The following NMNAT3 variants were observed in gnomAD, a reference collection of about 807,000 sequenced individuals.
NMNAT3 encodes nicotinamide nucleotide adenylyltransferase 3.
NMNAT3 carries 21 observed loss-of-function variants against 24.8 expected under a neutral mutation model. The observed-to-expected ratio is 0.85, with a 90% CI of 0.60 to 1.22. The LOEUF (loss-of-function observed/expected upper bound fraction) is 1.22. Among genes scored for constraint, NMNAT3 ranks in the 50% most tolerant of loss-of-function variants. The pLI, the probability that NMNAT3 is intolerant of heterozygous loss-of-function variation, is 0.00. For missense variants in NMNAT3, 387 were observed against 436.6 expected, an observed-to-expected ratio of 0.89 and a Z score of 1.01; for synonymous variants, 136 against 155.2, an observed-to-expected ratio of 0.88 and a Z score of 0.92.
In NMNAT3 at chr3:139,583,571, A is replaced by C. The variant is rs944371905; in HGVS notation, c.110-363T>G. ...ATTATTTTCTTCACTTCATTTGAGA[A>C]ATATAGGTGGATTGAGAGACATTCT... On this transcript the variant is annotated intron_variant, in intron 3 of 6. Transcript: ENST00000643695. 3 of 729,802 alleles carry C rather than the reference A, an allele frequency of 4.1e-6. No individual in the cohort carries two copies. In the African/African-American group the frequency reaches 5.3e-5, roughly 13 times the overall value. 45.2% of individuals were successfully genotyped at this position (729,802 alleles called of 1,614,324 possible). A position where few individuals can be genotyped will look rare whatever the true frequency, so the allele number is the denominator to read the frequency against.
At chr3:139,588,123 T>C (rs571769882) in intron 3 of NMNAT3, among the ~76,000 whole-genome samples, 1 of 152,256 alleles carries the variant, frequency 6.6e-6, no homozygotes, top group East Asian at 1.9e-4. Flanking sequence ...TCCCCACTGC[T>C]CTAGGTCACA....
rs2107967034 is a variant in NMNAT3 at position 139,560,404 on chromosome 3, A to G, written c.*606T>C. ...ATATTGCTTGAGGATCACTACGTAG[A>G]AAGAGTTTTGTTTAAATTTTATGAA... On this transcript the variant is annotated 3_prime_UTR_variant, in exon 7 of 7. Coordinates refer to ENST00000643695, the MANE Select transcript of NMNAT3 (RefSeq NM_001320510.2). 1 of 152,784 alleles carries G rather than the reference A, an allele frequency of 6.5e-6. No individual in the cohort carries two copies. The highest frequency in any genetic ancestry group is 1.9e-4 in the East Asian group (1 of 5,178). The allele number at this position is 152,784 out of a possible 1,614,324, so 9.5% of individuals were successfully genotyped here. A position where few individuals can be genotyped will look rare whatever the true frequency, so the allele number is the denominator to read the frequency against.
intron 1 of NMNAT3, among the ~76,000 whole-genome samples, chr3:139,639,382 G>A (rs6439870): frequency 0.087 from 13,182 of 152,214 alleles, 936 homozygotes; most frequent in East Asian, 0.23. Context: ...TGATTGTTCT[G>A]GACTTTCTTT....
chr3:139,640,568 T>C (rs4683613), intron 1 of NMNAT3, among the ~76,000 whole-genome samples: 97,915 of 152,034 alleles, frequency 0.64, 32,139 homozygotes, highest in East Asian at 0.82. Context: ...AGGATGACAA[T>C]AGGATCCTGA....
Position 139,663,045 on chromosome 3 carries a change from C to T in NMNAT3, c.-141+14660G>A, listed in dbSNP as rs1441122740. Among the ~76,000 whole-genome samples, 3 of 152,182 alleles carry T rather than the reference C, an allele frequency of 2.0e-5. No individual in the cohort carries two copies. In the East Asian group the frequency reaches 5.8e-4, roughly 29 times the overall value. ...GTTTAAAACAACACACATTTATTAT[C>T]TTATAGTTCTGGAAGTCAGAAGTCC... is the stretch of plus-strand genomic sequence containing the variant. On this transcript the variant is annotated intron_variant, in intron 1 of 6. Coordinates refer to ENST00000643695, the MANE Select transcript of NMNAT3 (RefSeq NM_001320510.2).
At position 139,576,008 on chromosome 3, in the gene NMNAT3, A is replaced by G. The variant is rs769960657; in HGVS notation, c.576-2328T>C. On this transcript the variant is annotated intron_variant, in intron 5 of 6. Transcript: ENST00000643695. ...CAGTTTCTTTATCTGTAAAATGAGG[A>G]CAACACAAGATCATGTCTGCAAAGA... 4.9e-5 allele frequency: 63 copies of G among 1,288,836 alleles called. 1 individual carries two copies. In the South Asian group the frequency reaches 7.4e-4, roughly 15 times the overall value. 79.8% of individuals were successfully genotyped at this position (1,288,836 alleles called of 1,614,324 possible).
In NMNAT3 at chr3:139,594,397, G is replaced by T. The variant is rs775790632; in HGVS notation, c.110-11189C>A. On this transcript the variant is annotated intron_variant, in intron 3 of 6. Coordinates refer to ENST00000643695, the MANE Select transcript of NMNAT3 (RefSeq NM_001320510.2). ...CTACCAGAGGTACAAGGAGGAACTC[G>T]TACCATTCCTTCTGAAACTATTCCA... Among the ~76,000 whole-genome samples, 59 of 152,276 alleles carry T rather than the reference G, an allele frequency of 3.9e-4. 1 individual carries two copies. Among genetic ancestry groups the T allele is most frequent in the South Asian group, 1.5e-3 (7 of 4,814 alleles).
At chr3:139,590,246 G>GA (rs1041291842) in intron 3 of NMNAT3, among the ~76,000 whole-genome samples, 4 of 152,162 alleles carry the variant, frequency 2.6e-5, no homozygotes, top group African/African-American at 9.7e-5. Context: ...CTAACTCTAG[G>GA]AAAAAACCCA....
intron 3 of NMNAT3, among the ~76,000 whole-genome samples, chr3:139,614,871 C>A (rs1321280888): frequency 1.3e-5 from 2 of 152,210 alleles, no homozygotes; most frequent in Non-Finnish European, 2.9e-5. Flanking sequence ...TATTAAGATT[C>A]ATTAGTGATT....
At chr3:139,577,855 G>T (rs1318878431) in intron 5 of NMNAT3, 1 of 152,220 alleles carries the variant, frequency 6.6e-6, no homozygotes, top group Non-Finnish European at 1.5e-5. Context: ...TAAAAGGTAA[G>T]TAATAAGAAC....
chr3:139,562,640 G>A (rs963479188), intron 6 of NMNAT3, among the ~76,000 whole-genome samples: 1 of 152,184 alleles, frequency 6.6e-6, no homozygotes, highest in Non-Finnish European at 1.5e-5. Flanking sequence ...CCAGAGAGAT[G>A]AGTTCACACA....
chr3:139,591,177 G>A (rs2054151575), intron 3 of NMNAT3, among the ~76,000 whole-genome samples: 1 of 151,362 alleles, frequency 6.6e-6, no homozygotes, highest in South Asian at 2.1e-4. Context: ...GGGTCAGGGA[G>A]TTCCCTTTCC....
chr3:139,643,387 G>A (rs1014092992), intron 1 of NMNAT3, among the ~76,000 whole-genome samples: 1 of 152,120 alleles, frequency 6.6e-6, no homozygotes, highest in Admixed American at 6.5e-5. Flanking sequence ...ATTAAAAACA[G>A]TGATACAAAC....
At chr3:139,634,585 C>A (rs1465830922) in intron 2 of NMNAT3, 26 bp downstream of exon 3, 1 of 152,188 alleles carries the variant, frequency 6.6e-6, no homozygotes, top group Non-Finnish European at 1.5e-5. Flanking sequence ...GCACACAATG[C>A]TGCTAAAAAC....
At chr3:139,575,611 A>G (rs1689499663) in intron 5 of NMNAT3, 2 of 1,010,858 alleles carry the variant, frequency 2.0e-6, no homozygotes, top group South Asian at 8.3e-5. Context: ...GGTTGACCCT[A>G]CTTTGAATAT....
intron 3 of NMNAT3, chr3:139,583,540 G>A (rs2053768058): frequency 8.7e-7 from 1 of 1,149,428 alleles, no homozygotes; most frequent in Non-Finnish European, 1.3e-6. Context: ...TTTCCACAAA[G>A]TTTGAATTAT....
intron 3 of NMNAT3, among the ~76,000 whole-genome samples, chr3:139,627,036 T>C (rs1282459712): frequency 6.6e-6 from 1 of 152,098 alleles, no homozygotes; most frequent in Admixed American, 6.5e-5. Flanking sequence ...GTCACTTTAC[T>C]CCTTTAATAA....
At chr3:139,593,552 T>C (rs1169606750) in intron 3 of NMNAT3, among the ~76,000 whole-genome samples, 1 of 152,094 alleles carries the variant, frequency 6.6e-6, no homozygotes, top group Non-Finnish European at 1.5e-5. Flanking sequence ...ATTGACCACA[T>C]AGTTGGAAGT....
intron 1 of NMNAT3, among the ~76,000 whole-genome samples, chr3:139,650,510 A>C (rs978736396): frequency 2.6e-5 from 4 of 152,234 alleles, no homozygotes; most frequent in Non-Finnish European, 4.4e-5. Context: ...GTAGTTGAGT[A>C]CTGGAGAGGT....
Sources: allele counts gnomAD v4.1 joint callset (sites outside exome capture counted in the v4.1 genomes callset), GRCh38; gene constraint gnomAD v4.1.1; transcripts MANE v1.5; gene names NCBI Gene and HGNC (gene_info 2026-07-23, HGNC 2026-07-21).